NSD3: variants seen among roughly 807,000 people sequenced by gnomAD.
NSD3 encodes nuclear receptor binding SET domain protein 3, also known as histone-lysine N-methyltransferase NSD3.
Under a neutral mutation model 160.8 loss-of-function variants are expected in NSD3, and 24 were observed. The observed-to-expected ratio is 0.15, with a 90% confidence interval of 0.11 to 0.21. The LOEUF (loss-of-function observed/expected upper bound fraction) is 0.21. Ranked by LOEUF, NSD3 falls within the 10% of genes least tolerant of loss-of-function variation. The probability of loss-of-function intolerance (pLI) is 1.00; values close to 1 mark genes in which losing one functional copy is unlikely to be tolerated. For missense variants in NSD3, 1,157 were observed against 1,735.9 expected, an observed-to-expected ratio of 0.67 and a Z score of 5.93; for synonymous variants, 520 against 600.0, an observed-to-expected ratio of 0.87 and a Z score of 1.95.
At chr8:38,315,395 T>C (rs1255939590) in intron 11 of NSD3, 21 bp downstream of exon 11, 3 of 1,540,620 alleles carry the variant, frequency 1.9e-6, no homozygotes, top group East Asian at 2.3e-5. Context: ...TTTCAAGCCA[T>C]AGCACCAGTT....
chr8:38,293,302 A>G (rs1432298838), intron 16 of NSD3, among the ~76,000 whole-genome samples: 2 of 152,222 alleles, frequency 1.3e-5, no homozygotes, highest in Non-Finnish European at 2.9e-5. Context: ...CTGTAATCCC[A>G]GCACTTTGGG....
At chr8:38,294,439 T>C (rs1005423859) in intron 16 of NSD3, among the ~76,000 whole-genome samples, 10 of 152,314 alleles carry the variant, frequency 6.6e-5, no homozygotes, top group African/African-American at 1.4e-4. Flanking sequence ...CAAAGGCTCG[T>C]TGAAGCCTTA....
At chr8:38,287,683 C>T (rs1224344695) in intron 19 of NSD3, among the ~76,000 whole-genome samples, 2 of 148,644 alleles carry the variant, frequency 1.3e-5, no homozygotes, top group African/African-American at 5.0e-5. Context: ...GATGGAGTCT[C>T]GCTCTGTCAC....
At chr8:38,377,001 TA>T (rs201709417) in intron 1 of NSD3, among the ~76,000 whole-genome samples, 90 of 149,296 alleles carry the variant, frequency 6.0e-4, no homozygotes, top group African/African-American at 1.8e-3. Context: ...CAAGACTCTT[TA>T]AAAAAAAAAG....
chr8:38,367,326 G>GA (rs1811127649), intron 1 of NSD3, among the ~76,000 whole-genome samples: 1 of 152,126 alleles, frequency 6.6e-6, no homozygotes, highest in African/African-American at 2.4e-5. Flanking sequence ...CGAAAAATGG[G>GA]AAAATGAGCT....
At chr8:38,333,835 C>A (rs185281039) in intron 4 of NSD3, among the ~76,000 whole-genome samples, 2,137 of 152,092 alleles carry the variant, frequency 0.014, 22 homozygotes, top group Middle Eastern at 0.024. Context: ...CCACTGCAGT[C>A]CGCAGTCCGG....
At chr8:38,346,481 A>G (rs1047379633) in intron 2 of NSD3, among the ~76,000 whole-genome samples, 2 of 151,044 alleles carry the variant, frequency 1.3e-5, no homozygotes, top group African/African-American at 4.8e-5. Flanking sequence ...GCATCCTGAG[A>G]GCAGGCATCT....
intron 1 of NSD3, among the ~76,000 whole-genome samples, chr8:38,363,188 A>T (rs1811027030): frequency 6.6e-6 from 1 of 152,254 alleles, no homozygotes. Context: ...GAGGGAAGAA[A>T]GCTGCTAAAT....
At chr8:38,345,781 G>T (rs1382102289) in intron 2 of NSD3, among the ~76,000 whole-genome samples, 2 of 151,622 alleles carry the variant, frequency 1.3e-5, no homozygotes, top group African/African-American at 4.8e-5. Flanking sequence ...GTGGTGGTAT[G>T]CCTGTAGTCC....
Position 38,348,501 on chromosome 8 carries a change from T to C in NSD3, c.-44-286A>G, listed in dbSNP as rs193174163. ...CACACGAAATAGTTTTGACATTCCTTTTTATTTCCCAAGTTAGAGATCGTC... is the reference window on the plus strand; with the variant it reads ...CACACGAAATAGTTTTGACATTCCTCTTTATTTCCCAAGTTAGAGATCGTC... On this transcript the variant is annotated intron_variant, in intron 1 of 23. Coordinates refer to ENST00000317025, the MANE Select transcript of NSD3 (RefSeq NM_023034.2). 1.3e-3 allele frequency among the ~76,000 whole-genome samples: 198 copies of C among 152,308 alleles called. 1 individual carries two copies. The highest frequency in any genetic ancestry group is 4.5e-3 in the African/African-American group (185 of 41,560).
chr8:38,277,582 CTTTTTA>C (rs1808631703), intron 22 of NSD3, among the ~76,000 whole-genome samples: 1 of 152,166 alleles, frequency 6.6e-6, no homozygotes, highest in East Asian at 1.9e-4. Flanking sequence ...CAGCCAGGTG[CTTTTTA>C]TTTTTAATTG....
At position 38,273,747 on chromosome 8, in the gene NSD3, A is replaced by G. The variant is rs1300508941; in HGVS notation, c.*1894T>C. ...GCTGTATTTCATGTTACTTGTAGCA[A>G]TTATATTTGGTGACATGGATCGCAT... On this transcript the variant is annotated 3_prime_UTR_variant, in exon 24 of 24. Transcript: ENST00000317025. 6.6e-6 allele frequency: 1 copy of G among 152,194 alleles called. No individual in the cohort carries two copies. Among genetic ancestry groups the G allele is most frequent in the Middle Eastern group, 3.2e-3 (1 of 316 alleles). 9.4% of individuals were successfully genotyped at this position (152,194 alleles called of 1,614,324 possible).
chr8:38,314,390 T>G (rs1040347145), intron 12 of NSD3, among the ~76,000 whole-genome samples: 10 of 152,168 alleles, frequency 6.6e-5, no homozygotes, highest in Admixed American at 6.5e-4. Flanking sequence ...TTAACATACT[T>G]TATATAACTC....
intron 1 of NSD3, among the ~76,000 whole-genome samples, chr8:38,376,662 C>T (rs1016040564): frequency 6.6e-6 from 1 of 152,124 alleles, no homozygotes; most frequent in Non-Finnish European, 1.5e-5. Flanking sequence ...GTCTTGAACT[C>T]CTGACCTCAG....
intron 22 of NSD3, 82 bp downstream of exon 22, chr8:38,278,224 C>T (rs950624404): frequency 1.3e-5 from 16 of 1,264,914 alleles, no homozygotes; most frequent in Non-Finnish European, 1.5e-5. Context: ...AGGCATGAGC[C>T]ACCGCGCCCG....
intron 2 of NSD3, among the ~76,000 whole-genome samples, chr8:38,344,676 G>GA (rs996392038): frequency 2.0e-5 from 3 of 152,102 alleles, no homozygotes; most frequent in African/African-American, 7.2e-5. Flanking sequence ...TAAAGTAAAA[G>GA]AAAAAATCTA....
chr8:38,346,187 T>C (rs1043053426), intron 2 of NSD3, among the ~76,000 whole-genome samples: 1 of 149,148 alleles, frequency 6.7e-6, no homozygotes, highest in African/African-American at 2.4e-5. Flanking sequence ...TATATATACA[T>C]ATATGTATAT....
chr8:38,317,871 GA>G lies in NSD3; in HGVS notation c.1855+1023del. ...TGGCGAAATCAAAATCGAAAACAAA[GA>G]AACTGTTTATCAAGCCGCCGACAAA... On this transcript the variant is annotated intron_variant, in intron 9 of 23. Transcript: ENST00000317025. The surrounding 1 kb of genome is among the most constrained non-coding windows in gnomAD (Gnocchi z 5.3). 3.2e-6 allele frequency: 5 copies of G among 1,584,410 alleles called. No individual in the cohort carries two copies. The highest frequency in any genetic ancestry group is 4.3e-6 in the Non-Finnish European group (5 of 1,165,788).
chr8:38,300,391 C>G (rs368787786), intron 14 of NSD3, among the ~76,000 whole-genome samples: 1 of 152,100 alleles, frequency 6.6e-6, no homozygotes, highest in East Asian at 1.9e-4. Flanking sequence ...TGGTCTCTAA[C>G]TTCTAGCCTT....
Sources: allele counts gnomAD v4.1 joint callset (sites outside exome capture counted in the v4.1 genomes callset), GRCh38; gene constraint gnomAD v4.1.1; non-coding constraint Gnocchi (gnomAD v3.1); transcripts MANE v1.5; gene names NCBI Gene and HGNC (gene_info 2026-07-23, HGNC 2026-07-21).